Variants in ITM2C observed in about 807,000 individuals in gnomAD.
ITM2C encodes BRICHOS domain containing 2C.
Under a neutral mutation model 30.0 loss-of-function variants are expected in ITM2C, and 20 were observed. The observed-to-expected ratio is 0.67, with a 90% confidence interval of 0.47 to 0.97. The LOEUF (loss-of-function observed/expected upper bound fraction) is 0.97. ITM2C is among the 50% of genes least tolerant of loss of function. ITM2C has a pLI of 0.00. For missense variants in ITM2C, 366 were observed against 371.9 expected (o/e 0.98, Z 0.13); for synonymous variants, 167 against 156.4 (o/e 1.07, Z -0.51).
rs1697014802 is a variant in ITM2C, at chr2:230,865,864, C to G, written c.120+719C>G. 6.6e-6 allele frequency: 1 copy of G among 152,502 alleles called. No homozygotes were observed. Among genetic ancestry groups the G allele is most frequent in the East Asian group, 1.9e-4 (1 of 5,168 alleles). The allele number at this position is 152,502 out of a possible 1,614,324, so 9.4% of individuals were successfully genotyped here. On this transcript the variant is annotated intron_variant, in intron 1 of 5. Transcript: ENST00000326427. The surrounding 1 kb of genome is among the most constrained non-coding windows in gnomAD (Gnocchi z 6.8). ...TGCTCCCCTCTCTTTTCTCCATTCC[C>G]AGCCTCTCGCTGGGCTGTCCCCCGA... is the stretch of plus-strand genomic sequence containing the variant.
chr2:230,877,495 C>T lies in ITM2C; in HGVS notation c.657C>T (p.Tyr219=). The T allele has an allele frequency of 1.2e-6, 2 of 1,614,054 alleles. No homozygotes were observed. Residue 219 remains tyrosine (Y), a synonymous_variant, in exon 5 of 6, where the codon TAC becomes TAT. Coordinates refer to ENST00000326427, the MANE Select transcript of ITM2C (RefSeq NM_030926.6). The surrounding 1 kb of genome is among the most constrained non-coding windows in gnomAD (Gnocchi z 4.8). ...SDKEALGSFI[Y]HLCNGKDTYR... ...AGGAGGCCCTGGGGTCCTTCATCTA[C>T]CACCTGTGCAACGGGAAAGACACCT...
chr2:230,873,304 T>G (rs1697210624), intron 1 of ITM2C, 113 bp from the exon 2 acceptor site: 1 of 1,099,632 alleles, frequency 9.1e-7, no homozygotes, highest in Non-Finnish European at 1.2e-6. Context: ...CTTCCCTCCC[T>G]TTCCCCCAAG....
At chr2:230,866,460 T>A (rs1488317487) in intron 1 of ITM2C, among the ~76,000 whole-genome samples, 2 of 151,802 alleles carry the variant, frequency 1.3e-5, no homozygotes, top group African/African-American at 4.8e-5. Flanking sequence ...GCAGAGACCC[T>A]GAGTGAGGAA....
At position 230,865,017 on chromosome 2, in the gene ITM2C, G is replaced by A. The variant is rs1432340785; in HGVS notation, c.-9G>A. 1.3e-6 allele frequency: 2 copies of A among 1,482,710 alleles called. No individual in the cohort carries two copies. Among genetic ancestry groups the A allele is most frequent in the South Asian group, 1.3e-5 (1 of 76,650 alleles). The allele number at this position is 1,482,710 out of a possible 1,614,324, so 91.8% of individuals were successfully genotyped here. A position where few individuals can be genotyped will look rare whatever the true frequency, so the allele number is the denominator to read the frequency against. On this transcript the variant is annotated 5_prime_UTR_variant, in exon 1 of 6. Coordinates refer to ENST00000326427, the MANE Select transcript of ITM2C (RefSeq NM_030926.6). The surrounding 1 kb of genome is among the most constrained non-coding windows in gnomAD (Gnocchi z 6.8). ...AGGCTGCGGGGCGGACGCGCGGGCC[G>A]GCGCAGCCATGGTGAAGATTAGCTT...
intron 1 of ITM2C, among the ~76,000 whole-genome samples, chr2:230,868,847 G>A (rs1003174818): frequency 4.6e-5 from 7 of 152,210 alleles, no homozygotes; most frequent in South Asian, 2.1e-4. Flanking sequence ...GTGGAGCAGC[G>A]GCCCTGCTCC....
At position 230,873,444 on chromosome 2, in the gene ITM2C, A is replaced by T; in HGVS notation, c.148A>T (p.Lys50Ter). 1 of 1,604,956 alleles carries T rather than the reference A, an allele frequency of 6.2e-7. No individual in the cohort carries two copies. Among genetic ancestry groups the T allele is most frequent in the Non-Finnish European group, 8.5e-7 (1 of 1,175,798 alleles). The change falls in exon 2 of 6, where the codon AAG becomes TAG. Residue 50 changes from lysine (K) to a stop codon, truncating the protein, a stop_gained. Transcript: ENST00000326427. LOFTEE classifies it high-confidence loss of function. ...GGAGCAGCCCCCACAACATCGATCC[A>T]AGAGGGGGGGCTCAGTGGGCGGCGT... ...REEQPPQHRS[K>*]RGGSVGGVCY...
At position 230,877,577 on chromosome 2, in the gene ITM2C, G is replaced by GC; in HGVS notation, c.712+31dup. 6.2e-7 allele frequency: 1 copy of GC among 1,611,484 alleles called. No homozygotes were observed. The highest frequency in any genetic ancestry group is 1.1e-5 in the South Asian group (1 of 90,986). On this transcript the variant is annotated intron_variant, in intron 5 of 5. Transcript: ENST00000326427. The surrounding 1 kb of genome is among the most constrained non-coding windows in gnomAD (Gnocchi z 4.8). ...TGAGTGGCTGGCTTCACCCACAGTA[G>GC]CCCCTGTCCCGTGCCCCAGACCACA...
chr2:230,868,463 TCACACA>T (rs10675424), intron 1 of ITM2C, among the ~76,000 whole-genome samples: 1 of 150,282 alleles, frequency 6.7e-6, no homozygotes, highest in Non-Finnish European at 1.5e-5. Context: ...GTGCCTGCAC[TCACACA>T]CACACACACA....
intron 1 of ITM2C, among the ~76,000 whole-genome samples, chr2:230,869,881 G>C (rs73992917): frequency 6.6e-6 from 1 of 152,186 alleles, no homozygotes; most frequent in African/African-American, 2.4e-5. Flanking sequence ...TGCGCCCTTC[G>C]CTCAGAGAGC....
chr2:230,868,513 G>A (rs1697088010), intron 1 of ITM2C, among the ~76,000 whole-genome samples: 1 of 151,948 alleles, frequency 6.6e-6, no homozygotes, highest in Non-Finnish European at 1.5e-5. Context: ...GCACAGATGT[G>A]GGCATGTAGA....
In ITM2C at chr2:230,878,109, C is replaced by T; in HGVS notation, c.*10C>T. On this transcript the variant is annotated 3_prime_UTR_variant, in exon 6 of 6. Coordinates refer to ENST00000326427, the MANE Select transcript of ITM2C (RefSeq NM_030926.6). This position sits in a 1 kb window ranked among gnomAD's most constrained non-coding sequence, Gnocchi z 4.5. The stretch of plus-strand genomic sequence containing the variant: ...CTGCGGGGTGGTGTGAGGCCCTCCT[C>T]CCCCAGAACCCCCTGCCGTGTTCCT... 3 of 1,549,918 alleles carry T rather than the reference C, an allele frequency of 1.9e-6. No homozygotes were observed. The highest frequency in any genetic ancestry group is 2.7e-5 in the African/African-American group (2 of 72,942).
intron 1 of ITM2C, among the ~76,000 whole-genome samples, chr2:230,868,914 G>A (rs1053226712): frequency 2.6e-5 from 4 of 152,238 alleles, no homozygotes; most frequent in Admixed American, 2.6e-4. Context: ...TCCATTCCTG[G>A]GATTTGGCGC....
chr2:230,870,698 C>T (rs1465945372), intron 1 of ITM2C, among the ~76,000 whole-genome samples: 1 of 152,204 alleles, frequency 6.6e-6, no homozygotes, highest in Non-Finnish European at 1.5e-5. Context: ...AGCCCAGCCC[C>T]TCCCCCAGGA....
Position 230,877,399 on chromosome 2 carries a change from G to A in ITM2C, c.562-1G>A. 6.2e-7 allele frequency: 1 copy of A among 1,613,468 alleles called. No homozygotes were observed. Among genetic ancestry groups the A allele is most frequent in the Non-Finnish European group, 8.5e-7 (1 of 1,179,794 alleles). ...ACTGTGGCGGCCACCTTGTTTTGCA[G>A]AGGGGGACCTACCTGCCGCAGACGT... On this transcript the variant is annotated splice_acceptor_variant, in intron 4 of 5. Coordinates refer to ENST00000326427, the MANE Select transcript of ITM2C (RefSeq NM_030926.6). LOFTEE classifies it high-confidence loss of function. The surrounding 1 kb of genome is among the most constrained non-coding windows in gnomAD (Gnocchi z 4.8).
At position 230,877,618 on chromosome 2, in the gene ITM2C, A is replaced by C; in HGVS notation, c.712+68A>C. On this transcript the variant is annotated intron_variant, in intron 5 of 5. Transcript: ENST00000326427. The surrounding 1 kb of genome is among the most constrained non-coding windows in gnomAD (Gnocchi z 4.8). ...CCAGACCACAGTTATCTTCACGCCT[A>C]GCCCAGCTGTCAGAGAGCTCAGATA... 2 of 1,548,828 alleles carry C rather than the reference A, an allele frequency of 1.3e-6. No homozygotes were observed. The highest frequency in any genetic ancestry group is 1.8e-6 in the Non-Finnish European group (2 of 1,130,596).
rs904435264 is a variant in ITM2C at position 230,878,860 on chromosome 2, C to T, written c.*761C>T. On this transcript the variant is annotated 3_prime_UTR_variant, in exon 6 of 6. Coordinates refer to ENST00000326427, the MANE Select transcript of ITM2C (RefSeq NM_030926.6). The surrounding 1 kb of genome is among the most constrained non-coding windows in gnomAD (Gnocchi z 4.5). ...GGCTGAGGAACGGGGCAGGCAAGGT[C>T]ACTGCTCAGTCACGTCCACGGGGGA... The T allele has an allele frequency of 2.6e-5, 4 of 152,922 alleles. No individual in the cohort carries two copies. The highest frequency in any genetic ancestry group is 5.8e-5 in the Non-Finnish European group (4 of 68,482). The allele number at this position is 152,922 out of a possible 1,614,324, so 9.5% of individuals were successfully genotyped here.
At chr2:230,869,955 G>T (rs934195878) in intron 1 of ITM2C, among the ~76,000 whole-genome samples, 1 of 152,254 alleles carries the variant, frequency 6.6e-6, no homozygotes, top group African/African-American at 2.4e-5. Context: ...CCCCTCCTCA[G>T]ATACCTCACT....
chr2:230,864,332 C>T (rs550854639), upstream of ITM2C, among the ~76,000 whole-genome samples: 7 of 152,228 alleles, frequency 4.6e-5, no homozygotes, highest in Non-Finnish European at 5.9e-5. This position sits in a 1 kb window ranked among gnomAD's most constrained non-coding sequence, Gnocchi z 4.3. Flanking sequence ...ACCCCAGGAC[C>T]CCCCAGGAAG....
At chr2:230,867,025 C>G (rs1380717579) in intron 1 of ITM2C, among the ~76,000 whole-genome samples, 1 of 152,198 alleles carries the variant, frequency 6.6e-6, no homozygotes, top group Non-Finnish European at 1.5e-5. Context: ...TTTCTTCCCC[C>G]TCACCCAGCA....
Sources: gnomAD v4.1 joint callset for allele counts (sites outside exome capture counted in the v4.1 genomes callset) on GRCh38, gnomAD v4.1.1 for gene constraint, Gnocchi (gnomAD v3.1) non-coding constraint, MANE v1.5 for transcripts, NCBI Gene and HGNC (gene_info 2026-07-23, HGNC 2026-07-21) for gene names.